SMYD3: variants seen among roughly 807,000 people sequenced by gnomAD.
SMYD3 encodes the protein SET and MYND domain containing 3, also known as histone-lysine N-methyltransferase SMYD3.
In SMYD3, 36 loss-of-function variants were observed where a neutral mutation model predicts 57.7. That is an observed-to-expected ratio of 0.62 (90% CI 0.48 to 0.82). The LOEUF (loss-of-function observed/expected upper bound fraction) is 0.82, where lower values mean the gene tolerates loss of function less well. Among genes scored for constraint, SMYD3 ranks in the 40% least tolerant of loss-of-function variants. The pLI is 0.00. For missense variants in SMYD3, 515 were observed against 538.8 expected (o/e 0.96, Z 0.44); for synonymous variants, 211 against 195.0 (o/e 1.08, Z -0.68).
intron 5 of SMYD3, among the ~76,000 whole-genome samples, chr1:246,016,637 A>G (rs2059381710): frequency 6.6e-6 from 1 of 152,072 alleles, no homozygotes; most frequent in Admixed American, 6.5e-5. Flanking sequence ...TACCTGTGAA[A>G]AATCTTTCAA....
chr1:246,133,126 C>G (rs1420688758), intron 5 of SMYD3, among the ~76,000 whole-genome samples: 2 of 151,258 alleles, frequency 1.3e-5, no homozygotes, highest in African/African-American at 4.9e-5. Flanking sequence ...ATCCAGCAAT[C>G]CCATTTATGG....
intron 5 of SMYD3, among the ~76,000 whole-genome samples, chr1:246,217,984 C>T (rs1050409140): frequency 2.0e-5 from 3 of 151,978 alleles, no homozygotes; most frequent in African/African-American, 7.3e-5. Context: ...CATGAATGTT[C>T]ATGGCAATGA....
chr1:246,243,606 C>T (rs1232354543), intron 5 of SMYD3, among the ~76,000 whole-genome samples: 1 of 151,876 alleles, frequency 6.6e-6, no homozygotes, highest in Non-Finnish European at 1.5e-5. Flanking sequence ...TTATACTGTA[C>T]ATTATATATA....
intron 1 of SMYD3, 53 bp downstream of exon 1, chr1:246,507,001 C>CCCCCCCCCCCCCCA: frequency 1.7e-6 from 2 of 1,159,190 alleles, no homozygotes; most frequent in African/African-American, 3.4e-5. Context: ...CCCCCCCTCC[C>CCCCCCCCCCCCCCA]CAGCACCCCA....
intron 5 of SMYD3, among the ~76,000 whole-genome samples, chr1:246,148,669 A>G (rs1271718712): frequency 6.6e-6 from 1 of 152,228 alleles, no homozygotes; most frequent in African/African-American, 2.4e-5. Context: ...TCTCTTAGGC[A>G]TACATGCCTG....
chr1:246,039,530 T>C (rs1250764167), intron 5 of SMYD3, among the ~76,000 whole-genome samples: 2 of 152,222 alleles, frequency 1.3e-5, no homozygotes, highest in African/African-American at 2.4e-5. Context: ...GCCTTCGAAA[T>C]GTGGGATTGC....
At chr1:245,757,285 G>A (rs1421234119) in intron 11 of SMYD3, among the ~76,000 whole-genome samples, 1 of 152,006 alleles carries the variant, frequency 6.6e-6, no homozygotes, top group African/African-American at 2.4e-5. Flanking sequence ...ATGCCTTCAA[G>A]GTTCATTTAT....
chr1:246,377,937 G>T (rs1379777933), intron 1 of SMYD3, among the ~76,000 whole-genome samples: 1 of 152,146 alleles, frequency 6.6e-6, no homozygotes, highest in Non-Finnish European at 1.5e-5. Flanking sequence ...TCTTGATACC[G>T]TCATTTCACA....
At chr1:246,276,683 T>G (rs1431024216) in intron 5 of SMYD3, among the ~76,000 whole-genome samples, 2 of 152,068 alleles carry the variant, frequency 1.3e-5, no homozygotes, top group East Asian at 3.9e-4. Context: ...CTAACTCTGT[T>G]TTTCACTAGC....
At chr1:246,364,317 T>C (rs535242290) in intron 1 of SMYD3, among the ~76,000 whole-genome samples, 2 of 152,000 alleles carry the variant, frequency 1.3e-5, no homozygotes, top group Admixed American at 6.5e-5. Flanking sequence ...TGTGTATAGT[T>C]TCAAGGTGGT....
At chr1:246,267,734 G>C (rs2064137245) in intron 5 of SMYD3, among the ~76,000 whole-genome samples, 1 of 152,206 alleles carries the variant, frequency 6.6e-6, no homozygotes, top group Non-Finnish European at 1.5e-5. Context: ...CTCTAAGGCA[G>C]AGACTGCACC....
Position 246,054,439 on chromosome 1 carries a change from G to A in SMYD3, c.532-124502C>T, listed in dbSNP as rs2060114747. On this transcript the variant is annotated intron_variant, in intron 5 of 11. Coordinates refer to ENST00000490107, the MANE Select transcript of SMYD3 (RefSeq NM_001167740.2). ...CACAGATATTTTCCTAAGAGAAAAC[G>A]TATGTCATACAAAGATTTGTACATG... Among the ~76,000 whole-genome samples the A allele has an allele frequency of 2.0e-5, 3 of 152,246 alleles. 1 individual carries two copies. The highest frequency in any genetic ancestry group is 4.1e-4 in the South Asian group (2 of 4,826).
intron 1 of SMYD3, among the ~76,000 whole-genome samples, chr1:246,405,459 C>A (rs1489899925): frequency 6.6e-6 from 1 of 152,144 alleles, no homozygotes; most frequent in Non-Finnish European, 1.5e-5. Context: ...CACCAGCATG[C>A]TGAACATCAA....
At chr1:246,119,880 G>A (rs1403777500) in intron 5 of SMYD3, among the ~76,000 whole-genome samples, 6 of 152,142 alleles carry the variant, frequency 3.9e-5, no homozygotes, top group Non-Finnish European at 7.3e-5. Context: ...TTACCCATCA[G>A]TTCGTGGCTG....
chr1:246,302,045 C>T (rs568262078), intron 5 of SMYD3, among the ~76,000 whole-genome samples: 6 of 152,228 alleles, frequency 3.9e-5, no homozygotes, highest in Non-Finnish European at 5.9e-5. Flanking sequence ...AGAAATACCG[C>T]GTTTCCCTGG....
intron 5 of SMYD3, among the ~76,000 whole-genome samples, chr1:246,094,579 T>C (rs962635987): frequency 2.0e-5 from 3 of 152,198 alleles, no homozygotes; most frequent in Non-Finnish European, 4.4e-5. Flanking sequence ...TCCATAACTT[T>C]CCAGACTTTT....
intron 5 of SMYD3, among the ~76,000 whole-genome samples, chr1:246,244,234 G>A (rs1433514487): frequency 1.3e-5 from 2 of 151,980 alleles, no homozygotes; most frequent in South Asian, 2.1e-4. Context: ...AGAGGCCAAG[G>A]ACACTTAAAT....
chr1:246,386,804 C>G (rs1344063839), intron 1 of SMYD3, among the ~76,000 whole-genome samples: 1 of 152,028 alleles, frequency 6.6e-6, no homozygotes, highest in Non-Finnish European at 1.5e-5. Context: ...ACATAGTTTA[C>G]CCCTCCCGCC....
At chr1:246,006,246 C>T (rs999613559) in intron 5 of SMYD3, among the ~76,000 whole-genome samples, 5 of 151,082 alleles carry the variant, frequency 3.3e-5, no homozygotes, top group African/African-American at 9.7e-5. Context: ...AGGAAGAGCC[C>T]GCCTTGCTAT....
Sources: gnomAD v4.1 joint callset for allele counts (sites outside exome capture counted in the v4.1 genomes callset) on GRCh38, gnomAD v4.1.1 for gene constraint, MANE v1.5 for transcripts, NCBI Gene and HGNC (gene_info 2026-07-23, HGNC 2026-07-21) for gene names.